The following SCML4 variants were observed in gnomAD, a reference collection of about 807,000 sequenced individuals.
The protein encoded by SCML4 is Scm polycomb group protein like 4, also known as sex comb on midleg-like protein 4.
A neutral mutation model predicts 41.1 loss-of-function variants in SCML4; 34 were observed. The observed-to-expected ratio is 0.83, with a 90% confidence interval of 0.63 to 1.10. The LOEUF is 1.10. Ranked by LOEUF, SCML4 falls within the 50% of genes least tolerant of loss-of-function variation. The pLI is 0.00. For missense variants in SCML4, 522 were observed against 534.1 expected (o/e 0.98, Z 0.22); for synonymous variants, 214 against 220.9 (o/e 0.97, Z 0.28).
intron 2 of SCML4, among the ~76,000 whole-genome samples, chr6:107,764,747 T>A (rs1779895317): frequency 6.6e-6 from 1 of 152,186 alleles, no homozygotes; most frequent in Non-Finnish European, 1.5e-5. Context: ...GTAGCTCCCA[T>A]AATTCCCACG....
intron 5 of SCML4, among the ~76,000 whole-genome samples, chr6:107,727,439 G>A (rs1039153016): frequency 2.5e-4 from 38 of 152,234 alleles, no homozygotes; most frequent in African/African-American, 8.9e-4. Flanking sequence ...TTTAAAAGGC[G>A]TTTGCAGAAG....
intron 1 of SCML4, among the ~76,000 whole-genome samples, chr6:107,793,727 G>A (rs1045754986): frequency 2.6e-5 from 4 of 152,272 alleles, no homozygotes; most frequent in Middle Eastern, 3.4e-3. Context: ...TGAGTGGATC[G>A]CTTGAGCCCT....
intron 1 of SCML4, among the ~76,000 whole-genome samples, chr6:107,781,385 G>A (rs885471): frequency 0.43 from 64,612 of 151,972 alleles, 14,470 homozygotes; most frequent in African/African-American, 0.54. Flanking sequence ...AGTGGTTCAC[G>A]CCTGTAATCC....
At chr6:107,708,344 T>C (rs1773882819) in intron 6 of SCML4, among the ~76,000 whole-genome samples, 1 of 152,090 alleles carries the variant, frequency 6.6e-6, no homozygotes, top group Admixed American at 6.5e-5. Flanking sequence ...TCCTGCTCAG[T>C]TCTTTCTCGG....
chr6:107,703,123 C>T lies in SCML4; in HGVS notation c.*2077G>A, dbSNP rs558487334. 6.6e-6 allele frequency among the ~76,000 whole-genome samples: 1 copy of T among 152,320 alleles called. No individual in the cohort carries two copies. The highest frequency in any genetic ancestry group is 1.5e-5 in the Non-Finnish European group (1 of 68,036). On this transcript the variant is annotated 3_prime_UTR_variant, in exon 8 of 8. Coordinates refer to ENST00000369020, the MANE Select transcript of SCML4 (RefSeq NM_198081.5). ...AGGGGGAGGCATGAATAATCCACCC[C>T]TTGTTTAGCATATCAAGAAATAAAC...
rs1038090448 is a variant in SCML4, at chr6:107,702,508, G to A, written c.*2692C>T. Among the ~76,000 whole-genome samples the A allele has an allele frequency of 2.0e-5, 3 of 152,170 alleles. No individual in the cohort carries two copies. The highest frequency in any genetic ancestry group is 2.0e-4 in the Admixed American group (3 of 15,270). ...GTCACTACATGAGGTATCTGTTGAT[G>A]GAAGAGGTACCACAAGTATCGGAAG... On this transcript the variant is annotated 3_prime_UTR_variant, in exon 8 of 8. Transcript: ENST00000369020.
Position 107,756,263 on chromosome 6 carries a change from G to T in SCML4, c.157-6450C>A, listed in dbSNP as rs74577005. On this transcript the variant is annotated intron_variant, in intron 2 of 7. Coordinates refer to ENST00000369020, the MANE Select transcript of SCML4 (RefSeq NM_198081.5). ...CCTGATAAATAAGACTTCAACCATA[G>T]GATCAAGGTCAACATCATCAGTGAT... Among the ~76,000 whole-genome samples, 764 of 152,238 alleles carry T rather than the reference G, an allele frequency of 5.0e-3. 10 individuals carry two copies. In the East Asian group the frequency reaches 0.063, roughly 12 times the overall value.
At chr6:107,744,476 T>G (rs1777879655) in intron 5 of SCML4, among the ~76,000 whole-genome samples, 1 of 152,206 alleles carries the variant, frequency 6.6e-6, no homozygotes. Context: ...GACACTTTGT[T>G]GCACCTTTAA....
intron 5 of SCML4, among the ~76,000 whole-genome samples, chr6:107,731,309 T>G (rs896944152): frequency 2.0e-5 from 3 of 152,252 alleles, no homozygotes; most frequent in Admixed American, 2.0e-4. Context: ...TTTTAAAAAC[T>G]AAACTGGCAT....
At chr6:107,825,701 G>A (rs1785222259), upstream of SCML4, among the ~76,000 whole-genome samples, 1 of 152,086 alleles carries the variant, frequency 6.6e-6, no homozygotes, top group Non-Finnish European at 1.5e-5. Context: ...AGCACTTTGG[G>A]AGGCCAAGGC....
chr6:107,759,496 A>G (rs1779404924), intron 2 of SCML4, among the ~76,000 whole-genome samples: 1 of 152,218 alleles, frequency 6.6e-6, no homozygotes, highest in South Asian at 2.1e-4. Context: ...AGGGAGGTGG[A>G]AAGAATTGAT....
intron 5 of SCML4, among the ~76,000 whole-genome samples, chr6:107,727,619 G>A (rs1776122777): frequency 6.6e-6 from 1 of 152,178 alleles, no homozygotes. Context: ...GATGTCTTCA[G>A]GACCCTGGAA....
intron 5 of SCML4, among the ~76,000 whole-genome samples, chr6:107,727,558 A>AG (rs113449179): frequency 0.054 from 8,181 of 152,290 alleles, 741 homozygotes; most frequent in African/African-American, 0.19. Flanking sequence ...AAGCAGCCAA[A>AG]GGGTCTGCAT....
In SCML4 at chr6:107,749,787, G is replaced by A. The variant is rs747970249; in HGVS notation, c.183C>T (p.Pro61=). 4 of 1,614,012 alleles carry A rather than the reference G, an allele frequency of 2.5e-6. No individual in the cohort carries two copies. The highest frequency in any genetic ancestry group is 2.7e-5 in the African/African-American group (2 of 74,904). ...YKIKSRVLMT[P]LALSPPRSTP... ...TACTCCGCGGAGGTGAGAGGGCTAA[G>A]GGAGTCATGAGAACCCGAGACTTGA... The change falls in exon 3 of 8, where the codon CCC becomes CCT. Residue 61 remains proline, a synonymous_variant. Transcript: ENST00000369020.
At chr6:107,823,513 C>G (rs950858274) in intron 1 of SCML4, among the ~76,000 whole-genome samples, 1 of 151,980 alleles carries the variant, frequency 6.6e-6, no homozygotes, top group African/African-American at 2.4e-5. Context: ...TCCCAAAAAA[C>G]GAATTAAAAC....
chr6:107,802,576 GAGGGAGGAAGGAAGGAAGGA>G lies in SCML4; in HGVS notation c.-60+21530_-60+21549del, dbSNP rs1285254501. ...CTTAAGAGCATTGGCTCGAGGGAGG[GAGGGAGGAAGGAAGGAAGGA>G]AGGAAGGAAGGAAGGAAGGAAGGAA... On this transcript the variant is annotated intron_variant, in intron 1 of 7. Coordinates refer to ENST00000369020, the MANE Select transcript of SCML4 (RefSeq NM_198081.5). Among the ~76,000 whole-genome samples the G allele has an allele frequency of 4.7e-4, 24 of 51,246 alleles. 1 individual carries two copies. Among genetic ancestry groups the G allele is most frequent in the Admixed American group, 1.3e-3 (5 of 3,828 alleles). 33.6% of individuals were successfully genotyped at this position (51,246 alleles called of 152,430 possible). A position where few individuals can be genotyped will look rare whatever the true frequency, so the allele number is the denominator to read the frequency against.
intron 1 of SCML4, among the ~76,000 whole-genome samples, chr6:107,813,298 G>A (rs1350824436): frequency 6.7e-6 from 1 of 148,950 alleles, no homozygotes; most frequent in African/African-American, 2.5e-5. Flanking sequence ...GGGAGGCAGA[G>A]GCTGCAGTGA....
At chr6:107,751,871 T>C (rs976410891) in intron 2 of SCML4, among the ~76,000 whole-genome samples, 1 of 152,052 alleles carries the variant, frequency 6.6e-6, no homozygotes. Flanking sequence ...CTTGACCTCA[T>C]GATCTGCCTG....
At chr6:107,771,599 C>T (rs1206403688) in intron 2 of SCML4, among the ~76,000 whole-genome samples, 1 of 152,172 alleles carries the variant, frequency 6.6e-6, no homozygotes, top group Non-Finnish European at 1.5e-5. Context: ...CCTGATATGC[C>T]TCCTTGTAGC....
Sources: allele counts gnomAD v4.1 joint callset (sites outside exome capture counted in the v4.1 genomes callset), GRCh38; gene constraint gnomAD v4.1.1; transcripts MANE v1.5; gene names NCBI Gene and HGNC (gene_info 2026-07-23, HGNC 2026-07-21).